Variants in KSR1 observed in about 807,000 individuals in gnomAD.
KSR1 encodes kinase suppressor of ras 1.
A neutral mutation model predicts 92.9 loss-of-function variants in KSR1; 35 were observed. The observed-to-expected ratio is 0.38, with a 90% CI of 0.29 to 0.50. KSR1 has a LOEUF of 0.50. KSR1 is among the 20% of genes least tolerant of loss of function. The pLI is 0.94. For missense variants in KSR1, 972 were observed against 1,158.5 expected (o/e 0.84, Z 2.34); for synonymous variants, 467 against 472.6 (o/e 0.99, Z 0.15).
intron 1 of KSR1, among the ~76,000 whole-genome samples, chr17:27,540,914 C>G (rs1179080489): frequency 1.3e-5 from 2 of 152,242 alleles, no homozygotes; most frequent in African/African-American, 2.4e-5. Context: ...GACTGCTTAG[C>G]TGGCTGGGTT....
intron 6 of KSR1, among the ~76,000 whole-genome samples, chr17:27,589,816 G>A (rs374167100): frequency 7.9e-5 from 12 of 152,178 alleles, no homozygotes; most frequent in African/African-American, 1.7e-4. Flanking sequence ...ACACTGATAC[G>A]TTGAAACGTC....
chr17:27,591,324 T>C (rs1404399793), intron 7 of KSR1, among the ~76,000 whole-genome samples: 1 of 152,168 alleles, frequency 6.6e-6, no homozygotes, highest in African/African-American at 2.4e-5. Flanking sequence ...TATTTTCTCA[T>C]GCCTTGTGGT....
intron 2 of KSR1, among the ~76,000 whole-genome samples, chr17:27,552,428 A>G (rs977312927): frequency 2.6e-5 from 4 of 152,246 alleles, no homozygotes; most frequent in Admixed American, 6.5e-5. Flanking sequence ...GATGTCTCCA[A>G]TAGCCCAGGG....
intron 10 of KSR1, among the ~76,000 whole-genome samples, chr17:27,597,732 C>G (rs971512305): frequency 3.3e-5 from 5 of 152,132 alleles, no homozygotes; most frequent in Admixed American, 6.5e-5. Context: ...TCGCACTGCC[C>G]TCCTCTTCAT....
At chr17:27,471,642 A>C (rs1298714266) in intron 1 of KSR1, among the ~76,000 whole-genome samples, 1 of 152,148 alleles carries the variant, frequency 6.6e-6, no homozygotes, top group Non-Finnish European at 1.5e-5. Context: ...GCTGGGCCGC[A>C]GGAGAGAATT....
At chr17:27,456,933 G>A (rs1486342709) in intron 1 of KSR1, 59 bp downstream of exon 1, 4 of 745,118 alleles carry the variant, frequency 5.4e-6, no homozygotes, top group Non-Finnish European at 9.7e-6. Context: ...CTCCCTCCGG[G>A]CCCCAGTACT....
rs1439842131 is a variant in KSR1, at chr17:27,456,890, A to G, written c.231+16A>G. 2 of 831,114 alleles carry G rather than the reference A, an allele frequency of 2.4e-6. No homozygotes were observed. The highest frequency in any genetic ancestry group is 4.2e-6 in the Non-Finnish European group (2 of 481,396). 51.5% of individuals were successfully genotyped at this position (831,114 alleles called of 1,614,324 possible). On this transcript the variant is annotated intron_variant, in intron 1 of 20. Transcript: ENST00000644974. ...GACCCTGGAGGTAAGTGGGTCGGGG[A>G]CCAGGCTGGGCTCGAGGAGCGGGCC... is the stretch of plus-strand genomic sequence containing the variant.
chr17:27,621,953 G>A, intron 20 of KSR1: 1 of 1,612,548 alleles, frequency 6.2e-7, no homozygotes, highest in Non-Finnish European at 8.5e-7. Context: ...TGCCTTGCAT[G>A]CACCAGGGGC....
At chr17:27,528,944 AC>A (rs2070425682) in intron 1 of KSR1, among the ~76,000 whole-genome samples, 1 of 152,040 alleles carries the variant, frequency 6.6e-6, no homozygotes, top group Non-Finnish European at 1.5e-5. Flanking sequence ...AACAAAACTT[AC>A]ACCACCTGTT....
chr17:27,526,322 C>T, intron 1 of KSR1: 1 of 1,160,444 alleles, frequency 8.6e-7, no homozygotes, highest in Non-Finnish European at 1.2e-6. Flanking sequence ...TTACTGACCG[C>T]AAGTCCATGT....
chr17:27,526,451 G>A (rs2070302644), intron 1 of KSR1: 1 of 1,576,694 alleles, frequency 6.3e-7, no homozygotes, highest in Admixed American at 1.8e-5. Flanking sequence ...AAAGTTTGTA[G>A]TTTTTTTTCC....
chr17:27,620,683 A>G (rs1255797655), intron 19 of KSR1, among the ~76,000 whole-genome samples: 1 of 152,108 alleles, frequency 6.6e-6, no homozygotes, highest in African/African-American at 2.4e-5. Context: ...CAGTTCAAGG[A>G]GGGTGATGTG....
intron 9 of KSR1, 39 bp downstream of exon 9, chr17:27,592,665 C>G (rs1406812511): frequency 1.9e-5 from 29 of 1,546,268 alleles, no homozygotes; most frequent in Non-Finnish European, 2.6e-5. Context: ...CCTTCTGCCA[C>G]TGGCCTTCCT....
Position 27,583,074 on chromosome 17 carries a change from G to A in KSR1, c.949G>A (p.Gly317Arg). 1 of 1,589,898 alleles carries A rather than the reference G, an allele frequency of 6.3e-7. No individual in the cohort carries two copies. The highest frequency in any genetic ancestry group is 8.6e-7 in the Non-Finnish European group (1 of 1,166,860). ...GAGCAAGTCCCATGAGTCTCAGCTG[G>A]GGAACCGCATTGATGACGTCTCCTC... ...TRSKSHESQLGNRIDDVSSMR... is the reference protein window; with the variant it reads ...TRSKSHESQLRNRIDDVSSMR... The change falls in exon 4 of 21, where the codon GGG (glycine) becomes AGG (arginine). Residue 317 changes from glycine to arginine, a missense_variant. Gly to Arg is a moderately radical substitution (Grantham distance 125). This residue lies in a region of KSR1 where 611 missense variants were observed against 668.0 expected (regional missense o/e 0.91). Coordinates refer to ENST00000644974, the MANE Select transcript of KSR1 (RefSeq NM_001394583.1).
chr17:27,566,044 C>T (rs2072048275), intron 2 of KSR1, among the ~76,000 whole-genome samples: 1 of 152,028 alleles, frequency 6.6e-6, no homozygotes, highest in African/African-American at 2.4e-5. Flanking sequence ...CCGAAGCATG[C>T]GAGAAGCTGC....
intron 1 of KSR1, among the ~76,000 whole-genome samples, chr17:27,525,707 T>A (rs1264610490): frequency 2.0e-5 from 3 of 152,214 alleles, no homozygotes; most frequent in African/African-American, 7.2e-5. Flanking sequence ...ACCTTAAGCT[T>A]TTCCAGGTTG....
chr17:27,597,788 C>T (rs1475696050), intron 10 of KSR1, among the ~76,000 whole-genome samples: 1 of 152,192 alleles, frequency 6.6e-6, no homozygotes, highest in Admixed American at 6.5e-5. Flanking sequence ...GGACTGGCTT[C>T]TGAGCTCCCA....
intron 1 of KSR1, chr17:27,472,095 G>C (rs1178095231): frequency 6.6e-6 from 1 of 152,230 alleles, no homozygotes; most frequent in Non-Finnish European, 1.5e-5. Flanking sequence ...GAGTGTCTAG[G>C]CTCCCAGTTA....
At position 27,592,564 on chromosome 17, in the gene KSR1, A is replaced by G. The variant is rs1293959763; in HGVS notation, c.1237A>G (p.Asn413Asp). The G allele has an allele frequency of 2.5e-6, 4 of 1,613,952 alleles. No homozygotes were observed. Among genetic ancestry groups the G allele is most frequent in the Non-Finnish European group, 2.5e-6 (3 of 1,179,888 alleles). Residue 413 changes from asparagine (N) to aspartate (D), a missense_variant, in exon 9 of 21, where the codon AAC (asparagine) becomes GAC (aspartate). By Grantham distance (23) the Asn-to-Asp change is conservative. Around this residue, in one of 5 missense-constraint regions of KSR1, gnomAD observed 611 missense variants for 668.0 expected, o/e 0.91. Coordinates refer to ENST00000644974, the MANE Select transcript of KSR1 (RefSeq NM_001394583.1). ...AGAATCTGTCCCCTCGGACATCAACAACCCGGTGGACAGAGCAGCCGAACC... is the reference window on the plus strand; with the variant it reads ...AGAATCTGTCCCCTCGGACATCAACGACCCGGTGGACAGAGCAGCCGAACC... The part of the protein sequence containing the change: ...RTESVPSDIN[N>D]PVDRAAEPHF...
Sources: allele counts gnomAD v4.1 joint callset (sites outside exome capture counted in the v4.1 genomes callset), GRCh38; gene constraint gnomAD v4.1.1; regional missense constraint gnomAD v4.1.1; transcripts MANE v1.5; gene names NCBI Gene and HGNC (gene_info 2026-07-23, HGNC 2026-07-21).